The following MOGAT1 variants were observed in gnomAD, a reference collection of about 807,000 sequenced individuals.
MOGAT1 encodes monoacylglycerol O-acyltransferase 1.
MOGAT1 carries 32 observed loss-of-function variants against 31.4 expected under a neutral mutation model. The ratio of observed to expected loss-of-function variants is 1.02; its 90% CI spans 0.77 to 1.37. The LOEUF (loss-of-function observed/expected upper bound fraction) is 1.37. Ranked by LOEUF, MOGAT1 falls within the 40% of genes most tolerant of loss-of-function variation. MOGAT1 has a pLI of 0.00. For missense variants in MOGAT1, 426 were observed against 402.0 expected, an observed-to-expected ratio of 1.06 and a Z score of -0.51; for synonymous variants, 145 against 144.5, an observed-to-expected ratio of 1.00 and a Z score of -0.03.
chr2:222,688,048 G>A (rs147043244), intron 1 of MOGAT1, among the ~76,000 whole-genome samples: 43 of 152,074 alleles, frequency 2.8e-4, no homozygotes, highest in African/African-American at 8.0e-4. Flanking sequence ...TTCCTCTACC[G>A]ATTCCTTCCA....
rs367882911 is a variant in MOGAT1 at position 222,695,275 on chromosome 2, C to T, written c.840C>T (p.Ala280=). 2.1e-5 allele frequency: 33 copies of T among 1,609,094 alleles called. No homozygotes were observed. The highest frequency in any genetic ancestry group is 2.7e-5 in the Non-Finnish European group (32 of 1,176,608). ...TTGGCCTAATGACCTATAGGAAAGC[C>T]ATCCACACTGTTGGTATGTACATAA... is the stretch of plus-strand genomic sequence containing the variant. The part of the protein sequence containing the change: ...YNFGLMTYRK[A]IHTVVGRPIP... Residue 280 remains alanine (A), a synonymous_variant, in exon 5 of 6, where the codon GCC becomes GCT. Transcript: ENST00000446656.
chr2:222,687,458 T>C (rs1208623850), intron 1 of MOGAT1, among the ~76,000 whole-genome samples: 1 of 152,344 alleles, frequency 6.6e-6, no homozygotes, highest in East Asian at 1.9e-4. Context: ...GAACATTCTC[T>C]TGTTAGCATG....
chr2:222,697,374 T>C (rs1692851560), intron 5 of MOGAT1, among the ~76,000 whole-genome samples: 1 of 152,090 alleles, frequency 6.6e-6, no homozygotes, highest in South Asian at 2.1e-4. Flanking sequence ...ATCTTAAGTA[T>C]CTGAAAGGTA....
intron 5 of MOGAT1, among the ~76,000 whole-genome samples, chr2:222,706,705 C>G (rs1198283154): frequency 6.6e-6 from 1 of 152,162 alleles, no homozygotes; most frequent in African/African-American, 2.4e-5. Context: ...GTCCCTTACC[C>G]CTACCCTGAA....
At chr2:222,680,728 C>A (rs542290412) in intron 1 of MOGAT1, among the ~76,000 whole-genome samples, 1 of 151,818 alleles carries the variant, frequency 6.6e-6, no homozygotes, top group Non-Finnish European at 1.5e-5. Flanking sequence ...CTCCATACTA[C>A]GTTAAATGGT....
chr2:222,676,995 A>C (rs913045124), intron 1 of MOGAT1, among the ~76,000 whole-genome samples: 4 of 152,198 alleles, frequency 2.6e-5, no homozygotes, highest in African/African-American at 9.7e-5. Context: ...TTGTCAACTA[A>C]AGTTTTACAC....
At position 222,671,695 on chromosome 2, in the gene MOGAT1, G is replaced by A. The variant is rs1022557086; in HGVS notation, c.-91G>A. On this transcript the variant is annotated 5_prime_UTR_variant, in exon 1 of 6. Coordinates refer to ENST00000446656, the MANE Select transcript of MOGAT1 (RefSeq NM_058165.3). ...CCGCCCAGCCAGTGCCCAGCGCGGG[G>A]CCCGGATCCGGCCGGGCACTTCCCA... is the stretch of plus-strand genomic sequence containing the variant. The A allele has an allele frequency of 9.0e-7, 1 of 1,105,170 alleles. No individual in the cohort carries two copies. The highest frequency in any genetic ancestry group is 2.7e-4 in the Middle Eastern group (1 of 3,678). 68.5% of individuals were successfully genotyped at this position (1,105,170 alleles called of 1,614,324 possible). A position where few individuals can be genotyped will look rare whatever the true frequency, so the allele number is the denominator to read the frequency against.
At chr2:222,693,768 C>A (rs72968055) in intron 3 of MOGAT1, among the ~76,000 whole-genome samples, 1 of 152,172 alleles carries the variant, frequency 6.6e-6, no homozygotes, top group Non-Finnish European at 1.5e-5. Context: ...GTCCCTTCCA[C>A]GACATGAAGG....
Position 222,694,502 on chromosome 2 carries a change from C to G in MOGAT1, c.619C>G (p.Arg207Gly). Residue 207 changes from arginine (R) to glycine (G), a missense_variant, in exon 4 of 6, where the codon CGG becomes GGG. By Grantham distance (125) the Arg-to-Gly change is moderately radical. Coordinates refer to ENST00000446656, the MANE Select transcript of MOGAT1 (RefSeq NM_058165.3). ...AAAGTTCACTCTGTTCATCCGCCAG[C>G]GGAAAGGATTTGTTAAAATTGCTTT... ...PGKFTLFIRQ[R>G]KGFVKIALTH... is the part of the protein sequence containing the mutation. 1 of 1,613,710 alleles carries G rather than the reference C, an allele frequency of 6.2e-7. No homozygotes were observed. The highest frequency in any genetic ancestry group is 8.5e-7 in the Non-Finnish European group (1 of 1,179,756).
intron 5 of MOGAT1, chr2:222,699,084 A>G (rs1692878239): frequency 6.7e-6 from 1 of 149,292 alleles, no homozygotes; most frequent in African/African-American, 2.5e-5. Flanking sequence ...GCTCACTGCA[A>G]CCTCGGCCTC....
intron 3 of MOGAT1, among the ~76,000 whole-genome samples, chr2:222,692,279 G>C (rs1692774632): frequency 6.6e-6 from 1 of 152,176 alleles, no homozygotes. Context: ...AAAAATATTT[G>C]ATACAGTCTC....
chr2:222,700,263 T>C (rs1692900460), intron 5 of MOGAT1, among the ~76,000 whole-genome samples: 1 of 152,258 alleles, frequency 6.6e-6, no homozygotes, highest in African/African-American at 2.4e-5. Context: ...ACTTTTTAAA[T>C]GGTTTGCCAT....
In MOGAT1 at chr2:222,690,310, G is replaced by A. The variant is rs143978543; in HGVS notation, c.478+841G>A. Among the ~76,000 whole-genome samples, 1,045 of 152,268 alleles carry A rather than the reference G, an allele frequency of 6.9e-3. 11 individuals are homozygous for A. Among genetic ancestry groups the A allele is most frequent in the African/African-American group, 0.024 (991 of 41,564 alleles). On this transcript the variant is annotated intron_variant, in intron 3 of 5. Coordinates refer to ENST00000446656, the MANE Select transcript of MOGAT1 (RefSeq NM_058165.3). The stretch of plus-strand genomic sequence containing the variant: ...GCAGTGACTCACACCTGTTATCTCA[G>A]CACTTTGGGAGGCCGAGGTGGGGTG...
At chr2:222,677,721 C>T (rs537098887) in intron 1 of MOGAT1, 6 of 414,870 alleles carry the variant, frequency 1.4e-5, no homozygotes, top group South Asian at 4.0e-5. Flanking sequence ...CTTTCCGTGT[C>T]GATTCTGGTG....
At position 222,686,310 on chromosome 2, in the gene MOGAT1, G is replaced by T. The variant is rs1288297017; in HGVS notation, c.95-2034G>T. Among the ~76,000 whole-genome samples, 6 of 152,138 alleles carry T rather than the reference G, an allele frequency of 3.9e-5. No individual in the cohort carries two copies. In the East Asian group the frequency reaches 1.2e-3, roughly 29 times the overall value. ...TCAGTTTCTACAACTGTAAAATGGG[G>T]CAATAACGTGTACCTTGGGGTTTCA... is the stretch of plus-strand genomic sequence containing the variant. On this transcript the variant is annotated intron_variant, in intron 1 of 5. Transcript: ENST00000446656.
chr2:222,703,523 A>G (rs4480975), intron 5 of MOGAT1, among the ~76,000 whole-genome samples: 12,635 of 152,140 alleles, frequency 0.083, 707 homozygotes, highest in Non-Finnish European at 0.12. Flanking sequence ...ACAACATATC[A>G]AGTGCTCAAT....
intron 5 of MOGAT1, among the ~76,000 whole-genome samples, chr2:222,696,475 G>T (rs868186570): frequency 2.0e-4 from 30 of 152,230 alleles, no homozygotes; most frequent in Admixed American, 1.0e-3. Context: ...GAGTAAGGTG[G>T]TATCGCATTA....
intron 5 of MOGAT1, chr2:222,699,203 C>T (rs1692880871): frequency 6.6e-6 from 1 of 152,242 alleles, no homozygotes; most frequent in Admixed American, 6.5e-5. Context: ...GGGGTTTCAT[C>T]ATGTTGGCCA....
chr2:222,686,824 A>G (rs1692676068), intron 1 of MOGAT1, among the ~76,000 whole-genome samples: 1 of 152,230 alleles, frequency 6.6e-6, no homozygotes, highest in South Asian at 2.1e-4. Context: ...ATCAAGAAAT[A>G]TAAATAGTCC....
Sources: allele counts gnomAD v4.1 joint callset (sites outside exome capture counted in the v4.1 genomes callset), GRCh38; gene constraint gnomAD v4.1.1; transcripts MANE v1.5; gene names NCBI Gene and HGNC (gene_info 2026-07-23, HGNC 2026-07-21).